The following PALM2AKAP2 variants were observed in gnomAD, a reference collection of about 807,000 sequenced individuals.
The protein encoded by PALM2AKAP2 is PALM2-AKAP2 fusion protein.
In PALM2AKAP2, 37 loss-of-function variants were observed where a neutral mutation model predicts 71.5. The ratio of observed to expected loss-of-function variants is 0.52; its 90% CI spans 0.40 to 0.68. The LOEUF is 0.68. Among genes scored for constraint, PALM2AKAP2 ranks in the 30% least tolerant of loss-of-function variants. The pLI is 0.00. For synonymous variants in PALM2AKAP2, 468 were observed against 478.8 expected, an observed-to-expected ratio of 0.98 and a Z score of 0.29; for missense variants, 1,224 against 1,191.8, an observed-to-expected ratio of 1.03 and a Z score of -0.40.
intron 1 of PALM2AKAP2, among the ~76,000 whole-genome samples, chr9:109,824,418 T>C (rs1828090000): frequency 6.6e-6 from 1 of 152,230 alleles, no homozygotes. Context: ...TGATGTCTGA[T>C]CACCACTGCC....
At chr9:109,809,694 G>C (rs908729711) in intron 1 of PALM2AKAP2, among the ~76,000 whole-genome samples, 18 of 152,176 alleles carry the variant, frequency 1.2e-4, no homozygotes, top group Admixed American at 9.8e-4. Context: ...TTTGGGAGAG[G>C]CCAGGAGTGG....
At chr9:109,991,508 G>A (rs373525150) in intron 6 of PALM2AKAP2, among the ~76,000 whole-genome samples, 1 of 152,094 alleles carries the variant, frequency 6.6e-6, no homozygotes, top group East Asian at 1.9e-4. Flanking sequence ...CAAGGTGTAA[G>A]GATTACAGGC....
At chr9:109,808,866 C>T (rs1289117951) in intron 1 of PALM2AKAP2, among the ~76,000 whole-genome samples, 3 of 152,224 alleles carry the variant, frequency 2.0e-5, no homozygotes, top group Admixed American at 1.3e-4. Flanking sequence ...CCAGCCATGG[C>T]TAAAAGAGGC....
chr9:109,970,860 A>T (rs1832052084), intron 6 of PALM2AKAP2, among the ~76,000 whole-genome samples: 1 of 152,194 alleles, frequency 6.6e-6, no homozygotes, highest in African/African-American at 2.4e-5. Flanking sequence ...TAATCCCAGC[A>T]CTTTGGGAGG....
chr9:110,143,966 G>C (rs970701869), intron 2 of PALM2AKAP2, among the ~76,000 whole-genome samples: 1 of 152,182 alleles, frequency 6.6e-6, no homozygotes, highest in Non-Finnish European at 1.5e-5. Flanking sequence ...TAGACATGAG[G>C]TGATCATTAC....
intron 1 of PALM2AKAP2, among the ~76,000 whole-genome samples, chr9:109,710,417 G>A (rs1800900096): frequency 6.6e-6 from 1 of 152,206 alleles, no homozygotes; most frequent in Non-Finnish European, 1.5e-5. Context: ...TGAGAAACCA[G>A]AGCCCAAATC....
At chr9:109,707,913 GA>G (rs1828167758) in intron 1 of PALM2AKAP2, among the ~76,000 whole-genome samples, 2 of 152,158 alleles carry the variant, frequency 1.3e-5, no homozygotes, top group African/African-American at 4.8e-5. Flanking sequence ...CACAGATGAG[GA>G]AACAGGCTCA....
chr9:109,699,568 G>T (rs1352301473), intron 1 of PALM2AKAP2, among the ~76,000 whole-genome samples: 1 of 152,082 alleles, frequency 6.6e-6, no homozygotes, highest in East Asian at 1.9e-4. Context: ...CATATTTTCA[G>T]AGTAAAAATA....
chr9:109,886,313 G>A (rs977688191), intron 3 of PALM2AKAP2, among the ~76,000 whole-genome samples: 3 of 152,102 alleles, frequency 2.0e-5, no homozygotes, highest in African/African-American at 7.2e-5. Context: ...TAGGTAGTTC[G>A]AGCCACACTA....
At chr9:109,876,128 A>G (rs991585622) in intron 2 of PALM2AKAP2, among the ~76,000 whole-genome samples, 1 of 151,972 alleles carries the variant, frequency 6.6e-6, no homozygotes, top group African/African-American at 2.4e-5. Context: ...AAAGGCCACA[A>G]ACAGAGAAAA....
At chr9:109,871,149 A>C (rs1829593604) in intron 2 of PALM2AKAP2, among the ~76,000 whole-genome samples, 1 of 152,202 alleles carries the variant, frequency 6.6e-6, no homozygotes, top group East Asian at 1.9e-4. Context: ...GCAAGATAGT[A>C]GTTTTGGCAT....
chr9:109,655,071 C>T (rs879589648), intron 1 of PALM2AKAP2, among the ~76,000 whole-genome samples: 1 of 152,048 alleles, frequency 6.6e-6, no homozygotes, highest in Non-Finnish European at 1.5e-5. Context: ...AGGTGGATCA[C>T]GAGGTCAGGA....
At position 110,069,263 on chromosome 9, in the gene PALM2AKAP2, C is replaced by T. The variant is rs566278306; in HGVS notation, c.156+20408C>T. Among the ~76,000 whole-genome samples the T allele has an allele frequency of 8.5e-5, 13 of 152,304 alleles. No homozygotes were observed. In the South Asian group the frequency reaches 1.4e-3, roughly 17 times the overall value. ...TCAGTAACAAGTCCGACATGGCTGG[C>T]GCATGCTGTTTTCAATAAATATAAA... On this transcript the variant is annotated intron_variant, in intron 1 of 3. Transcript: ENST00000374525.
At chr9:109,935,808 C>G (rs1331146962) in intron 6 of PALM2AKAP2, among the ~76,000 whole-genome samples, 1 of 152,164 alleles carries the variant, frequency 6.6e-6, no homozygotes, top group African/African-American at 2.4e-5. Context: ...TCCCAAAGCA[C>G]TGAGAGCCTT....
At chr9:109,935,846 C>A (rs1191655197) in intron 6 of PALM2AKAP2, among the ~76,000 whole-genome samples, 1 of 152,178 alleles carries the variant, frequency 6.6e-6, no homozygotes, top group Non-Finnish European at 1.5e-5. Context: ...ATGTTATTTT[C>A]CAATCTTCTC....
chr9:110,060,587 C>G (rs114480160), intron 1 of PALM2AKAP2, among the ~76,000 whole-genome samples: 1,835 of 151,716 alleles, frequency 0.012, 29 homozygotes, highest in African/African-American at 0.043. Context: ...AGAGGGTCAA[C>G]AGGTCCAGGA....
chr9:110,083,827 C>A (rs1834502567), intron 1 of PALM2AKAP2, among the ~76,000 whole-genome samples: 1 of 152,226 alleles, frequency 6.6e-6, no homozygotes, highest in Admixed American at 6.5e-5. Flanking sequence ...TATATTCCAT[C>A]ACACTCTTGT....
intron 1 of PALM2AKAP2, among the ~76,000 whole-genome samples, chr9:109,848,528 C>G (rs78913694): frequency 0.018 from 2,691 of 152,258 alleles, 31 homozygotes; most frequent in Middle Eastern, 0.037. Flanking sequence ...TCCTAGAGCT[C>G]ATGTCATGGC....
intron 2 of PALM2AKAP2, 113 bp from the exon 9 acceptor site, chr9:110,156,206 C>T (rs1836450834): frequency 1.4e-6 from 2 of 1,392,862 alleles, no homozygotes; most frequent in Non-Finnish European, 1.9e-6. Context: ...AACCATCATT[C>T]TGGTACCACT....
Sources: gnomAD v4.1 joint callset for allele counts (sites outside exome capture counted in the v4.1 genomes callset) on GRCh38, gnomAD v4.1.1 for gene constraint, MANE v1.5 for transcripts, NCBI Gene and HGNC (gene_info 2026-07-23, HGNC 2026-07-21) for gene names.